Variants in SERPINH1 observed in about 807,000 individuals in gnomAD.
SERPINH1 encodes the protein serpin H1.
Under a neutral mutation model 32.3 loss-of-function variants are expected in SERPINH1, and 22 were observed. The observed-to-expected ratio is 0.68, with a 90% confidence interval of 0.49 to 0.97. The LOEUF is 0.97. Among genes scored for constraint, SERPINH1 ranks in the 50% least tolerant of loss-of-function variants. The pLI, the probability that SERPINH1 is intolerant of heterozygous loss-of-function variation, is 0.00. For synonymous variants in SERPINH1, 251 were observed against 245.9 expected, an observed-to-expected ratio of 1.02 and a Z score of -0.19; for missense variants, 543 against 576.4, an observed-to-expected ratio of 0.94 and a Z score of 0.59.
In SERPINH1 at chr11:75,566,686, G is replaced by T. The variant is rs1942084721; in HGVS notation, c.337G>T (p.Glu113Ter). ...CGAGGAGGTGCACGCCGGCCTGGGC[G>T]AGCTGCTGCGCTCACTCAGCAACTC... ...RDEEVHAGLGELLRSLSNSTA... is the reference protein window; with the variant it reads ...RDEEVHAGLG Residue 113 changes from glutamate to a stop codon, truncating the protein, a stop_gained, in exon 2 of 5, where the codon GAG becomes TAG. Transcript: ENST00000358171. LOFTEE classifies it high-confidence loss of function. 3 of 1,609,714 alleles carry T rather than the reference G, an allele frequency of 1.9e-6. No individual in the cohort carries two copies. The highest frequency in any genetic ancestry group is 2.5e-6 in the Non-Finnish European group (3 of 1,178,578).
Position 75,566,627 on chromosome 11 carries a change from C to T in SERPINH1, c.278C>T (p.Ala93Val), listed in dbSNP as rs1942082520. 6.2e-7 allele frequency: 1 copy of T among 1,608,068 alleles called. No individual in the cohort carries two copies. The highest frequency in any genetic ancestry group is 8.5e-7 in the Non-Finnish European group (1 of 1,179,032). ...GGCAAGGCGACCACGGCGTCGCAGG[C>T]CAAGGCAGTGCTGAGCGCCGAGCAG... Reference protein sequence around the residue: ...LGGKATTASQAKAVLSAEQLR... With the variant: ...LGGKATTASQVKAVLSAEQLR... The change falls in exon 2 of 5, where the codon GCC becomes GTC. Residue 93 changes from alanine to valine, a missense_variant. Coordinates refer to ENST00000358171, the MANE Select transcript of SERPINH1 (RefSeq NM_001235.5).
chr11:75,571,340 T>C (rs539580862), intron 4 of SERPINH1, among the ~76,000 whole-genome samples: 1 of 152,262 alleles, frequency 6.6e-6, no homozygotes, highest in African/African-American at 2.4e-5. Context: ...TGTCCTTAGA[T>C]CAGTCTTTCT....
chr11:75,570,381 C>A (rs1942175545), intron 4 of SERPINH1, among the ~76,000 whole-genome samples: 1 of 152,162 alleles, frequency 6.6e-6, no homozygotes, highest in African/African-American at 2.4e-5. Flanking sequence ...AGAGGGGTCA[C>A]TGTCTCTCTC....
intron 1 of SERPINH1, 50 bp downstream of exon 1, chr11:75,562,369 C>A (rs1371789855): frequency 6.6e-6 from 1 of 152,126 alleles, no homozygotes; most frequent in African/African-American, 2.4e-5. Context: ...GAGCGCCGAG[C>A]AATCTGGGGG....
intron 1 of SERPINH1, chr11:75,563,656 T>G (rs1453827763): frequency 6.5e-6 from 1 of 152,784 alleles, no homozygotes; most frequent in Non-Finnish European, 1.5e-5. Flanking sequence ...TTGTGCCCTC[T>G]GCGCCAGGGG....
At position 75,572,656 on chromosome 11, in the gene SERPINH1, T is replaced by C. The variant is rs1288371277; in HGVS notation, c.*573T>C. 1 of 157,130 alleles carries C rather than the reference T, an allele frequency of 6.4e-6. No homozygotes were observed. The highest frequency in any genetic ancestry group is 1.4e-5 in the Non-Finnish European group (1 of 70,802). The allele number at this position is 157,130 out of a possible 1,614,324, so 9.7% of individuals were successfully genotyped here. ...TGTCTGGCGTTGTGGGGATGAACTT[T>C]TTGTTTTGTTTCTTCCTTTTTTAGT... is the stretch of plus-strand genomic sequence containing the variant. On this transcript the variant is annotated 3_prime_UTR_variant, in exon 5 of 5. Transcript: ENST00000358171.
chr11:75,569,672 C>T (rs1392924585), intron 4 of SERPINH1, among the ~76,000 whole-genome samples: 1 of 152,212 alleles, frequency 6.6e-6, no homozygotes, highest in Admixed American at 6.5e-5. Context: ...ATCCTCCTGC[C>T]TCAGCCTCCC....
intron 2 of SERPINH1, chr11:75,568,413 T>C (rs1264338079): frequency 6.1e-5 from 26 of 428,910 alleles, no homozygotes; most frequent in Non-Finnish European, 1.0e-4. Flanking sequence ...TTCCAAAATA[T>C]CTGACAAGTG....
intron 1 of SERPINH1, among the ~76,000 whole-genome samples, 172 bp from the exon 2 acceptor site, chr11:75,566,144 G>A (rs1019557047): frequency 4.6e-5 from 7 of 152,212 alleles, no homozygotes; most frequent in African/African-American, 2.4e-5. Context: ...GAGTAGGGAG[G>A]TAACAGAGGC....
chr11:75,570,954 T>A (rs1268033736), intron 4 of SERPINH1, among the ~76,000 whole-genome samples: 1 of 152,068 alleles, frequency 6.6e-6, no homozygotes, highest in African/African-American at 2.4e-5. Flanking sequence ...TCTGTGAGGC[T>A]GTCTGGAGAG....
rs1325858555 is a variant in SERPINH1, at chr11:75,566,776, G to A, written c.427G>A (p.Ala143Thr). 24 of 1,613,252 alleles carry A rather than the reference G, an allele frequency of 1.5e-5. No individual in the cohort carries two copies. Among genetic ancestry groups the A allele is most frequent in the Non-Finnish European group, 1.9e-5 (22 of 1,179,950 alleles). ...RLYGPSSVSF[A>T]DDFVRSSKQH... ...GTACGGACCCAGCTCAGTGAGCTTC[G>A]CTGATGACTTCGTGCGCAGCAGCAA... Residue 143 changes from alanine to threonine, a missense_variant, in exon 2 of 5, where the codon GCT (alanine) becomes ACT (threonine). Around this residue, in one of 3 missense-constraint regions of SERPINH1, gnomAD observed 427 missense variants for 446.4 expected, o/e 0.96. Coordinates refer to ENST00000358171, the MANE Select transcript of SERPINH1 (RefSeq NM_001235.5).
At chr11:75,571,243 C>A (rs963709524) in intron 4 of SERPINH1, among the ~76,000 whole-genome samples, 35 of 152,228 alleles carry the variant, frequency 2.3e-4, no homozygotes, top group African/African-American at 7.9e-4. Flanking sequence ...CCACTAATTC[C>A]CCCCTGCATC....
At position 75,571,933 on chromosome 11, in the gene SERPINH1, C is replaced by A; in HGVS notation, c.1107C>A (p.Asp369Glu). 1 of 1,614,240 alleles carries A rather than the reference C, an allele frequency of 6.2e-7. No individual in the cohort carries two copies. Among genetic ancestry groups the A allele is most frequent in the Non-Finnish European group, 8.5e-7 (1 of 1,180,042 alleles). The change falls in exon 5 of 5, where the codon GAC (aspartate) becomes GAA (glutamate). Residue 369 changes from aspartate (D) to glutamate (E), a missense_variant. Transcript: ENST00000358171. ...CAGATGGCAACCCCTTTGACCAGGACATCTACGGGCGCGAGGAGCTGCGCA... is the reference window on the plus strand; with the variant it reads ...CAGATGGCAACCCCTTTGACCAGGAAATCTACGGGCGCGAGGAGCTGCGCA... ...LDTDGNPFDQ[D>E]IYGREELRSP...
chr11:75,563,164 C>T (rs1025694209), intron 1 of SERPINH1: 4 of 152,276 alleles, frequency 2.6e-5, no homozygotes, highest in Admixed American at 2.0e-4. Context: ...TTCCCTGCCC[C>T]CCAGCTTAGA....
Position 75,566,537 on chromosome 11 carries a change from C to T in SERPINH1, c.188C>T (p.Ala63Val), listed in dbSNP as rs576480194. The change falls in exon 2 of 5, where the codon GCA (alanine) becomes GTA (valine). Residue 63 changes from alanine to valine, a missense_variant. Coordinates refer to ENST00000358171, the MANE Select transcript of SERPINH1 (RefSeq NM_001235.5). ...TACCAGGCCATGGCCAAGGACCAGG[C>T]AGTGGAGAACATCCTGGTGTCACCC... is the stretch of plus-strand genomic sequence containing the variant. ...SLYQAMAKDQ[A>V]VENILVSPVV... 231 of 1,611,802 alleles carry T rather than the reference C, an allele frequency of 1.4e-4. 1 individual carries two copies. The East Asian group carries it at 2.7e-3, about 19-fold the overall frequency.
At chr11:75,571,635 C>T in intron 4 of SERPINH1, 146 bp from the exon 5 acceptor site, 1 of 717,162 alleles carries the variant, frequency 1.4e-6, no homozygotes, top group Non-Finnish European at 2.5e-6. Context: ...TTTGAAGTGC[C>T]AGTGCCATGC....
rs754091752 is a variant in SERPINH1 at position 75,566,517 on chromosome 11, G to C, written c.168G>C (p.Gln56His). ...RSAGLAFSLY[Q>H]AMAKDQAVEN... ...CCGGCCTGGCCTTCAGCTTGTACCA[G>C]GCCATGGCCAAGGACCAGGCAGTGG... The change falls in exon 2 of 5, where the codon CAG becomes CAC. Residue 56 changes from glutamine (Q) to histidine (H), a missense_variant. Gln to His is a conservative substitution (Grantham distance 24). This residue lies in a region of SERPINH1 where 109 missense variants were observed against 102.4 expected (regional missense o/e 1.06). Transcript: ENST00000358171. 2 of 1,612,302 alleles carry C rather than the reference G, an allele frequency of 1.2e-6. No individual in the cohort carries two copies. The highest frequency in any genetic ancestry group is 1.3e-5 in the African/African-American group (1 of 75,042).
rs576964959 is a variant in SERPINH1 at position 75,566,983 on chromosome 11, G to A, written c.622+12G>A. On this transcript the variant is annotated intron_variant, in intron 2 of 4. Transcript: ENST00000358171. ...CATGTTCTTCAAGCGTGAGTCGGGG[G>A]CGCGTTCAGGGGTCCTCCTCCTCCT... is the stretch of plus-strand genomic sequence containing the variant. The A allele has an allele frequency of 3.9e-5, 62 of 1,584,248 alleles. No homozygotes were observed. The South Asian group carries it at 6.6e-4, about 17-fold the overall frequency.
At chr11:75,567,033 G>T in intron 2 of SERPINH1, 62 bp downstream of exon 2, 5 of 1,545,138 alleles carry the variant, frequency 3.2e-6, no homozygotes. Flanking sequence ...CAAGAGTTAG[G>T]ACGACATTCC....
Sources: gnomAD v4.1 joint callset for allele counts (sites outside exome capture counted in the v4.1 genomes callset) on GRCh38, gnomAD v4.1.1 for gene constraint, gnomAD v4.1.1 regional missense constraint, MANE v1.5 for transcripts, NCBI Gene and HGNC (gene_info 2026-07-23, HGNC 2026-07-21) for gene names.